The following KLHL29 variants were observed in gnomAD, a reference collection of about 807,000 sequenced individuals.
KLHL29 encodes kelch-like protein 29.
Under a neutral mutation model 80.4 loss-of-function variants are expected in KLHL29, and 21 were observed. The ratio of observed to expected loss-of-function variants is 0.26; its 90% CI spans 0.19 to 0.38. The LOEUF is 0.38. Ranked by LOEUF, KLHL29 falls within the 10% of genes least tolerant of loss-of-function variation. The probability of loss-of-function intolerance (pLI) is 1.00; values close to 1 mark genes in which losing one functional copy is unlikely to be tolerated. For missense variants in KLHL29, 867 were observed against 1,223.9 expected, an observed-to-expected ratio of 0.71 and a Z score of 4.35; for synonymous variants, 511 against 526.8, an observed-to-expected ratio of 0.97 and a Z score of 0.41.
chr2:23,650,883 A>G (rs1209370306), intron 5 of KLHL29, among the ~76,000 whole-genome samples: 1 of 152,140 alleles, frequency 6.6e-6, no homozygotes, highest in African/African-American at 2.4e-5. Context: ...GAGCCAGGCC[A>G]TGGCGTGGTA....
chr2:23,562,556 A>G lies in KLHL29; in HGVS notation c.285+75A>G. 1 of 1,456,354 alleles carries G rather than the reference A, an allele frequency of 6.9e-7. No individual in the cohort carries two copies. Among genetic ancestry groups the G allele is most frequent in the Non-Finnish European group, 9.2e-7 (1 of 1,090,320 alleles). 90.2% of individuals were successfully genotyped at this position (1,456,354 alleles called of 1,614,324 possible). ...CTCCCTGCAGGCTCAGGCCAGCCCC[A>G]CAGGCTCCTGTGGGGCAGCCTGTGC... On this transcript the variant is annotated intron_variant, in intron 3 of 13. Coordinates refer to ENST00000486442, the MANE Select transcript of KLHL29 (RefSeq NM_052920.2). This position sits in a 1 kb window ranked among gnomAD's most constrained non-coding sequence, Gnocchi z 4.5.
intron 2 of KLHL29, among the ~76,000 whole-genome samples, chr2:23,553,395 T>C (rs1297268480): frequency 6.6e-6 from 1 of 151,948 alleles, no homozygotes; most frequent in Non-Finnish European, 1.5e-5. Context: ...CATCCTAGAG[T>C]GGAACAGGAG....
At chr2:23,548,187 C>T (rs181971997) in intron 2 of KLHL29, among the ~76,000 whole-genome samples, 1 of 152,258 alleles carries the variant, frequency 6.6e-6, no homozygotes, top group East Asian at 1.9e-4. Flanking sequence ...AGGAATTTTG[C>T]TAAGATGAAT....
At chr2:23,628,132 G>A (rs898005659) in intron 3 of KLHL29, among the ~76,000 whole-genome samples, 2 of 152,056 alleles carry the variant, frequency 1.3e-5, no homozygotes, top group East Asian at 1.9e-4. Flanking sequence ...GGCTGGTCTC[G>A]AACTCCTGAC....
Position 23,581,598 on chromosome 2 carries a change from G to T in KLHL29, c.285+19117G>T, listed in dbSNP as rs567456783. ...CCCAGCACTTTGGGAGGCCGAGGTG[G>T]GCGGATCACTTGAGGTCAGGAGTTC... On this transcript the variant is annotated intron_variant, in intron 3 of 13. Coordinates refer to ENST00000486442, the MANE Select transcript of KLHL29 (RefSeq NM_052920.2). 4.6e-5 allele frequency among the ~76,000 whole-genome samples: 7 copies of T among 152,160 alleles called. No individual in the cohort carries two copies. In the South Asian group the frequency reaches 1.5e-3, roughly 32 times the overall value.
At chr2:23,527,340 G>T (rs996856556) in intron 2 of KLHL29, among the ~76,000 whole-genome samples, 1 of 152,202 alleles carries the variant, frequency 6.6e-6, no homozygotes, top group Non-Finnish European at 1.5e-5. Context: ...ACCCCAGGGT[G>T]GGGGCTGGGC....
At position 23,596,059 on chromosome 2, in the gene KLHL29, A is replaced by G. The variant is rs906489932; in HGVS notation, c.285+33578A>G. On this transcript the variant is annotated intron_variant, in intron 3 of 13. Coordinates refer to ENST00000486442, the MANE Select transcript of KLHL29 (RefSeq NM_052920.2). This position sits in a 1 kb window ranked among gnomAD's most constrained non-coding sequence, Gnocchi z 4.4. ...CATTGGGTCCACATTTGCTGCCAGC[A>G]TAGCCTCTGGAATGCACGGCCTGCT... Among the ~76,000 whole-genome samples the G allele has an allele frequency of 2.0e-5, 3 of 152,238 alleles. No homozygotes were observed. The highest frequency in any genetic ancestry group is 2.9e-5 in the Non-Finnish European group (2 of 68,044).
intron 3 of KLHL29, among the ~76,000 whole-genome samples, chr2:23,573,126 A>G (rs980913749): frequency 6.6e-6 from 1 of 152,154 alleles, no homozygotes; most frequent in Admixed American, 6.5e-5. Context: ...CAGATTTTAC[A>G]TCATTGGAGC....
chr2:23,705,220 C>T (rs544695682), intron 13 of KLHL29, among the ~76,000 whole-genome samples: 119 of 152,316 alleles, frequency 7.8e-4, no homozygotes, highest in Non-Finnish European at 1.3e-3. Flanking sequence ...GGGCCAGGCA[C>T]AGTGGCTCAC....
intron 5 of KLHL29, among the ~76,000 whole-genome samples, chr2:23,648,981 A>G (rs147497079): frequency 5.9e-5 from 9 of 152,352 alleles, no homozygotes; most frequent in African/African-American, 9.6e-5. Context: ...TGAGGATTAA[A>G]TAATGTATGT....
chr2:23,424,924 A>G (rs1662965472), intron 1 of KLHL29, among the ~76,000 whole-genome samples: 1 of 152,222 alleles, frequency 6.6e-6, no homozygotes. Flanking sequence ...CTATTTTTAA[A>G]GCTGATGCAC....
At chr2:23,563,311 T>C (rs544811342) in intron 3 of KLHL29, among the ~76,000 whole-genome samples, 7 of 152,248 alleles carry the variant, frequency 4.6e-5, no homozygotes, top group South Asian at 4.1e-4. Context: ...GCAGCCTGAG[T>C]CCTGGAGGGC....
Position 23,654,782 on chromosome 2 carries a change from G to T in KLHL29, c.940+11932G>T, listed in dbSNP as rs144265986. Among the ~76,000 whole-genome samples, 91 of 150,800 alleles carry T rather than the reference G, an allele frequency of 6.0e-4. 1 individual carries two copies. The East Asian group carries it at 0.017, about 28-fold the overall frequency. ...CCGTATTTATGTATTCCTTGCATCT[G>T]CCCTGAGAGGCAGAGTCATGGATGG... is the stretch of plus-strand genomic sequence containing the variant. On this transcript the variant is annotated intron_variant, in intron 5 of 13. Coordinates refer to ENST00000486442, the MANE Select transcript of KLHL29 (RefSeq NM_052920.2).
intron 1 of KLHL29, among the ~76,000 whole-genome samples, chr2:23,460,651 T>A (rs374485121): frequency 6.6e-5 from 10 of 151,500 alleles, no homozygotes; most frequent in Admixed American, 2.6e-4. Flanking sequence ...ACAAGACAGG[T>A]GGAGGCCACA....
intron 6 of KLHL29, chr2:23,689,910 T>G (rs1183882034): frequency 6.6e-6 from 1 of 152,292 alleles, no homozygotes; most frequent in Non-Finnish European, 1.5e-5. Context: ...TGAATTCACT[T>G]TAGAAGTCAC....
At chr2:23,443,296 G>A (rs1663583879) in intron 1 of KLHL29, among the ~76,000 whole-genome samples, 1 of 152,166 alleles carries the variant, frequency 6.6e-6, no homozygotes, top group South Asian at 2.1e-4. Flanking sequence ...TAACTATAGG[G>A]ACATTCTCCT....
intron 3 of KLHL29, among the ~76,000 whole-genome samples, chr2:23,592,670 G>A (rs1267707147): frequency 6.6e-6 from 1 of 152,246 alleles, no homozygotes; most frequent in South Asian, 2.1e-4. Context: ...AGACCTGACA[G>A]GGATGTGGCT....
At chr2:23,444,849 C>A (rs1321738823) in intron 1 of KLHL29, among the ~76,000 whole-genome samples, 2 of 152,006 alleles carry the variant, frequency 1.3e-5, no homozygotes, top group Admixed American at 6.5e-5. Flanking sequence ...TGAAAAAATT[C>A]TTTGTGTGAT....
intron 3 of KLHL29, among the ~76,000 whole-genome samples, chr2:23,605,721 C>T (rs1668703545): frequency 6.6e-6 from 1 of 151,954 alleles, no homozygotes; most frequent in Non-Finnish European, 1.5e-5. Flanking sequence ...TCCTCCTTCT[C>T]AGGTGCTTAG....
Sources: gnomAD v4.1 joint callset for allele counts (sites outside exome capture counted in the v4.1 genomes callset) on GRCh38, gnomAD v4.1.1 for gene constraint, Gnocchi (gnomAD v3.1) non-coding constraint, MANE v1.5 for transcripts, NCBI Gene and HGNC (gene_info 2026-07-23, HGNC 2026-07-21) for gene names.